The following SLC36A1 variants were observed in gnomAD, a reference collection of about 807,000 sequenced individuals.
The protein encoded by SLC36A1 is proton-coupled amino acid transporter 1.
Under a neutral mutation model 47.5 loss-of-function variants are expected in SLC36A1, and 30 were observed. The observed-to-expected ratio is 0.63, with a 90% confidence interval of 0.47 to 0.86. The LOEUF (loss-of-function observed/expected upper bound fraction) is 0.86, where lower values mean the gene tolerates loss of function less well. Among genes scored for constraint, SLC36A1 ranks in the 40% least tolerant of loss-of-function variants. The pLI is 0.00. For synonymous variants in SLC36A1, 255 were observed against 249.7 expected (o/e 1.02, Z -0.20); for missense variants, 517 against 606.0 (o/e 0.85, Z 1.54).
the SLC36A1 span, among the ~76,000 whole-genome samples, chr5:151,420,520 C>T: frequency 3.0e-4 from 45 of 152,254 alleles, no homozygotes; most frequent in East Asian, 6.6e-3. Flanking sequence ...TCGTGCATGC[C>T]GCCCCTTGGA....
At chr5:151,355,181 T>C in the SLC36A1 span, among the ~76,000 whole-genome samples, 1 of 152,146 alleles carries the variant, frequency 6.6e-6, no homozygotes, top group Non-Finnish European at 1.5e-5. Flanking sequence ...TGGAATTCTT[T>C]CCAAAATTTT....
At chr5:151,516,668 C>T in the SLC36A1 span, among the ~76,000 whole-genome samples, 1 of 152,154 alleles carries the variant, frequency 6.6e-6, no homozygotes, top group African/African-American at 2.4e-5. Flanking sequence ...CCCCATAGAA[C>T]AAAAGCTTTA....
the SLC36A1 span, among the ~76,000 whole-genome samples, chr5:151,386,763 C>G: frequency 6.6e-6 from 1 of 152,198 alleles, no homozygotes; most frequent in Admixed American, 6.5e-5. Context: ...TGACTTCAGT[C>G]TCAGGCTCTG....
At chr5:151,458,145 G>T (rs1220488917) in intron 1 of SLC36A1, among the ~76,000 whole-genome samples, 1 of 151,852 alleles carries the variant, frequency 6.6e-6, no homozygotes, top group African/African-American at 2.4e-5. Flanking sequence ...ACCACACCCA[G>T]CCCAGAGAGG....
At chr5:151,512,725 CT>C in the SLC36A1 span, 1 of 901,682 alleles carries the variant, frequency 1.1e-6, no homozygotes, top group Non-Finnish European at 1.7e-6. This position sits in a 1 kb window ranked among gnomAD's most constrained non-coding sequence, Gnocchi z 4.1. Context: ...GGGTGTTTGG[CT>C]GTTTTAGACA....
chr5:151,427,007 G>A, the SLC36A1 span, among the ~76,000 whole-genome samples: 1 of 152,144 alleles, frequency 6.6e-6, no homozygotes, highest in African/African-American at 2.4e-5. Flanking sequence ...CACAGGGTTG[G>A]GGCTACAGGT....
At chr5:151,530,156 T>C in the SLC36A1 span, among the ~76,000 whole-genome samples, 1 of 151,858 alleles carries the variant, frequency 6.6e-6, no homozygotes, top group Non-Finnish European at 1.5e-5. Flanking sequence ...GATGAAGAAG[T>C]CTATAATGGC....
chr5:151,554,050 A>C, the SLC36A1 span, among the ~76,000 whole-genome samples: 1 of 152,262 alleles, frequency 6.6e-6, no homozygotes, highest in East Asian at 1.9e-4. Context: ...AACATCACAC[A>C]GGTGTAAAAT....
At chr5:151,473,799 G>C (rs770098834) in intron 8 of SLC36A1, 28 bp downstream of exon 8, 2 of 1,491,660 alleles carry the variant, frequency 1.3e-6, no homozygotes, top group African/African-American at 1.4e-5. Flanking sequence ...ATTTGGGCTA[G>C]TGTTCTCTGG....
At position 151,464,613 on chromosome 5, in the gene SLC36A1, T is replaced by A; in HGVS notation, c.323+11T>A. 6.2e-7 allele frequency: 1 copy of A among 1,612,576 alleles called. No homozygotes were observed. Among genetic ancestry groups the A allele is most frequent in the South Asian group, 1.1e-5 (1 of 91,002 alleles). On this transcript the variant is annotated intron_variant, in intron 4 of 10. Transcript: ENST00000243389. ...CCACTTCTGCCGCAGGTGAGAGCCC[T>A]CTGAGCCACCTCTCAAGTGACAGAT... is the stretch of plus-strand genomic sequence containing the variant.
intron 10 of SLC36A1, among the ~76,000 whole-genome samples, chr5:151,481,677 A>C (rs1581208814): frequency 2.1e-5 from 3 of 145,330 alleles, no homozygotes; most frequent in African/African-American, 7.6e-5. Context: ...CTTTCTCACC[A>C]CTCTCCCCCA....
At chr5:151,473,829 G>T (rs1757656916) in intron 8 of SLC36A1, 58 bp downstream of exon 8, 4 of 1,324,682 alleles carry the variant, frequency 3.0e-6, no homozygotes, top group South Asian at 2.4e-5. Context: ...TGTTCTCCAG[G>T]TCTGTTTCAA....
At chr5:151,532,114 T>G in the SLC36A1 span, 7 of 1,040,956 alleles carry the variant, frequency 6.7e-6, no homozygotes, top group South Asian at 1.6e-5. Flanking sequence ...AGAGTGAGGG[T>G]CTCTCCAGCG....
chr5:151,369,505 A>T, the SLC36A1 span, among the ~76,000 whole-genome samples: 35 of 152,232 alleles, frequency 2.3e-4, no homozygotes, highest in Non-Finnish European at 4.6e-4. Context: ...TTCCCACCCC[A>T]GACTGAACTC....
chr5:151,527,306 G>A, the SLC36A1 span: 23 of 1,613,642 alleles, frequency 1.4e-5, no homozygotes, highest in African/African-American at 1.7e-4. Flanking sequence ...CTTGGATAGC[G>A]ATGTCTGTGT....
At chr5:151,438,431 C>T (rs779003243) in intron 1 of SLC36A1, among the ~76,000 whole-genome samples, 6 of 152,036 alleles carry the variant, frequency 3.9e-5, no homozygotes, top group Non-Finnish European at 5.9e-5. Context: ...GCTCTAGCTA[C>T]CTTAGGACCC....
At chr5:151,407,401 A>ACAC in the SLC36A1 span, among the ~76,000 whole-genome samples, 5 of 152,202 alleles carry the variant, frequency 3.3e-5, no homozygotes, top group East Asian at 9.6e-4. Flanking sequence ...CTTTAGCTAG[A>ACAC]CACAGAGCAC....
chr5:151,460,839 C>T (rs1755398555), intron 2 of SLC36A1, among the ~76,000 whole-genome samples: 1 of 148,326 alleles, frequency 6.7e-6, no homozygotes, highest in African/African-American at 2.5e-5. Flanking sequence ...TCTAGTTTGC[C>T]AAGGAACAAA....
chr5:151,522,181 G>T, the SLC36A1 span: 1 of 994,406 alleles, frequency 1.0e-6, no homozygotes. Context: ...ACGTTTCTCT[G>T]CCCCACGCCC....
Sources: allele counts gnomAD v4.1 joint callset (sites outside exome capture counted in the v4.1 genomes callset), GRCh38; gene constraint gnomAD v4.1.1; non-coding constraint Gnocchi (gnomAD v3.1); transcripts MANE v1.5; gene names NCBI Gene and HGNC (gene_info 2026-07-23, HGNC 2026-07-21).